Variants in PDIA3 observed in about 807,000 individuals in gnomAD.
PDIA3 encodes protein disulfide-isomerase A3.
A neutral mutation model predicts 56.9 loss-of-function variants in PDIA3; 16 were observed. That is an observed-to-expected ratio of 0.28 (90% CI 0.19 to 0.43). PDIA3 has a LOEUF of 0.43. Among genes scored for constraint, PDIA3 ranks in the 20% least tolerant of loss-of-function variants. The pLI is 1.00. For synonymous variants in PDIA3, 192 were observed against 216.5 expected, an observed-to-expected ratio of 0.89 and a Z score of 0.99; for missense variants, 485 against 621.3, an observed-to-expected ratio of 0.78 and a Z score of 2.33.
Position 43,756,645 on chromosome 15 carries a change from T to G in PDIA3, c.247-4T>G. On this transcript the variant is annotated splice_region_variant and splice_polypyrimidine_tract_variant and intron_variant, in intron 2 of 12. Transcript: ENST00000300289. ...GAAAATAGTTTGTGTATTTTGATCT[T>G]TAGGTTGATTGCACTGCCAACACTA... 3 of 1,509,072 alleles carry G rather than the reference T, an allele frequency of 2.0e-6. No individual in the cohort carries two copies. Among genetic ancestry groups the G allele is most frequent in the Non-Finnish European group, 2.8e-6 (3 of 1,086,276 alleles). 93.5% of individuals were successfully genotyped at this position (1,509,072 alleles called of 1,614,324 possible).
In PDIA3 at chr15:43,772,344, A is replaced by T. The variant is rs1567160696; in HGVS notation, c.*1126A>T. The T allele has an allele frequency of 6.6e-6, 1 of 152,362 alleles. No individual in the cohort carries two copies. The highest frequency in any genetic ancestry group is 2.4e-5 in the African/African-American group (1 of 41,584). 9.4% of individuals were successfully genotyped at this position (152,362 alleles called of 1,614,324 possible). ...ATGTTCAGAAAAGAATTTTCTTCCT[A>T]CTATATAATTACAGTATTTAGCTGT... On this transcript the variant is annotated 3_prime_UTR_variant, in exon 13 of 13. Transcript: ENST00000300289.
Position 43,746,735 on chromosome 15 carries a change from G to T in PDIA3, c.167+29G>T, listed in dbSNP as rs1208000354. ...AGTCCATTCTGCCGAGGCGGGGGAA[G>T]AAAGGCGGGGCTGGGCCGGGGGCGA... On this transcript the variant is annotated intron_variant, in intron 1 of 12. Transcript: ENST00000300289. 1.9e-6 allele frequency: 3 copies of T among 1,610,628 alleles called. No homozygotes were observed. In the African/African-American group the frequency reaches 4.0e-5, roughly 22 times the overall value.
At chr15:43,764,836 CAGA>C (rs2086838085) in intron 5 of PDIA3, among the ~76,000 whole-genome samples, 1 of 152,100 alleles carries the variant, frequency 6.6e-6, no homozygotes, top group Non-Finnish European at 1.5e-5. Flanking sequence ...AGCTGAAGCC[CAGA>C]AGGATTAAAT....
intron 3 of PDIA3, among the ~76,000 whole-genome samples, chr15:43,759,344 T>G (rs1272394150): frequency 6.6e-6 from 1 of 152,168 alleles, no homozygotes; most frequent in African/African-American, 2.4e-5. Context: ...AGCTTCTGTA[T>G]GCCCACTTCT....
At chr15:43,747,809 A>C (rs1006571059) in intron 1 of PDIA3, among the ~76,000 whole-genome samples, 1 of 152,238 alleles carries the variant, frequency 6.6e-6, no homozygotes, top group Non-Finnish European at 1.5e-5. Flanking sequence ...GCCTCAAACA[A>C]CTTGCTAAGG....
chr15:43,770,810 C>T (rs550711225), intron 12 of PDIA3, among the ~76,000 whole-genome samples: 6 of 152,124 alleles, frequency 3.9e-5, no homozygotes, highest in East Asian at 1.9e-4. Context: ...GCCACCACCC[C>T]GGCTAATTTT....
Position 43,772,295 on chromosome 15 carries a change from CT to C in PDIA3, c.*1080del. ...TGGAGAATTCCAGGTAGGAGCCCTA[CT>C]TTAGGTGATCCTAGGAACTCCTATG... On this transcript the variant is annotated 3_prime_UTR_variant, in exon 13 of 13. Transcript: ENST00000300289. 6.6e-6 allele frequency: 1 copy of C among 152,270 alleles called. No individual in the cohort carries two copies. Among genetic ancestry groups the C allele is most frequent in the East Asian group, 1.9e-4 (1 of 5,182 alleles). The allele number at this position is 152,270 out of a possible 1,614,324, so 9.4% of individuals were successfully genotyped here.
chr15:43,748,198 C>G (rs970235039), intron 1 of PDIA3, among the ~76,000 whole-genome samples: 1 of 152,110 alleles, frequency 6.6e-6, no homozygotes, highest in African/African-American at 2.4e-5. Context: ...AATTTTGGGG[C>G]TGGGCATGGT....
chr15:43,768,924 T>G (rs767129419), intron 9 of PDIA3, among the ~76,000 whole-genome samples: 1 of 151,708 alleles, frequency 6.6e-6, no homozygotes, highest in South Asian at 2.1e-4. Flanking sequence ...CTCGGGAGGC[T>G]GAGGCAGGAG....
chr15:43,765,067 G>A (rs1182043572), intron 5 of PDIA3, among the ~76,000 whole-genome samples: 1 of 152,122 alleles, frequency 6.6e-6, no homozygotes, highest in Non-Finnish European at 1.5e-5. Flanking sequence ...GTTAAAAGTG[G>A]CAGCAAAAGT....
rs754974259 is a variant in PDIA3 at position 43,768,519 on chromosome 15, G to C, written c.1059G>C (p.Leu353=). Residue 353 remains leucine, a synonymous_variant, in exon 9 of 13, where the codon CTG becomes CTC. Coordinates refer to ENST00000300289, the MANE Select transcript of PDIA3 (RefSeq NM_005313.5). Reference sequence around the variant, plus strand: ...ATGGGAAGGCTCTGGAGAGGTTCCTGCAGGATTACTTTGATGGCAATCTGA... The same window carrying C: ...ATGGGAAGGCTCTGGAGAGGTTCCTCCAGGATTACTTTGATGGCAATCTGA... ...SRDGKALERF[L]QDYFDGNLKR... 6.2e-7 allele frequency: 1 copy of C among 1,613,862 alleles called. No homozygotes were observed.
intron 8 of PDIA3, among the ~76,000 whole-genome samples, chr15:43,767,294 G>T (rs2086853402): frequency 6.6e-6 from 1 of 152,176 alleles, no homozygotes; most frequent in Non-Finnish European, 1.5e-5. Flanking sequence ...GGAGGTTGCG[G>T]TGAACCAGGA....
Position 43,771,157 on chromosome 15 carries a change from AC to A in PDIA3, c.1463del (p.Pro488LeufsTer2). ...AGCTATCTACAAAGAGAAGCTACAAACCCCCCTGTAATTCAAGAAGAAAAAC... is the reference window on the plus strand; with the variant it reads ...AGCTATCTACAAAGAGAAGCTACAAACCCCCTGTAATTCAAGAAGAAAAAC... ...FISYLQREATNPPVIQEEKPK... is the reference protein window; with the variant it reads ...FISYLQREATXPPVIQEEKPK... On this transcript the variant is annotated frameshift_variant, in exon 13 of 13. Transcript: ENST00000300289. LOFTEE classifies it high-confidence loss of function. 6.2e-7 allele frequency: 1 copy of A among 1,612,828 alleles called. No homozygotes were observed. The highest frequency in any genetic ancestry group is 8.5e-7 in the Non-Finnish European group (1 of 1,179,824).
At chr15:43,748,114 C>T (rs1164525888) in intron 1 of PDIA3, among the ~76,000 whole-genome samples, 1 of 152,076 alleles carries the variant, frequency 6.6e-6, no homozygotes, top group Non-Finnish European at 1.5e-5. Context: ...CTTTTTACTA[C>T]AGGGGTCATG....
rs752998932 is a variant in PDIA3 at position 43,771,386 on chromosome 15, CTGT to C, written c.*170_*172del. On this transcript the variant is annotated 3_prime_UTR_variant, in exon 13 of 13. Coordinates refer to ENST00000300289, the MANE Select transcript of PDIA3 (RefSeq NM_005313.5). The stretch of plus-strand genomic sequence containing the variant: ...TTCTCTAAACTGTTTCTTAGCTGCA[CTGT>C]TTATGGAAATACCAGGACCAGTTTA... The C allele has an allele frequency of 2.5e-5, 12 of 473,110 alleles. No individual in the cohort carries two copies. Among genetic ancestry groups the C allele is most frequent in the South Asian group, 4.7e-5 (1 of 21,394 alleles). 29.3% of individuals were successfully genotyped at this position (473,110 alleles called of 1,614,324 possible). A position where few individuals can be genotyped will look rare whatever the true frequency, so the allele number is the denominator to read the frequency against.
chr15:43,765,654 G>A (rs140752247), intron 6 of PDIA3, 88 bp downstream of exon 6: 64 of 956,370 alleles, frequency 6.7e-5, no homozygotes, highest in South Asian at 2.7e-4. Context: ...ATATTTTGGC[G>A]TAAACAGTCT....
intron 2 of PDIA3, among the ~76,000 whole-genome samples, chr15:43,755,140 A>G (rs1567156006): frequency 6.6e-6 from 1 of 152,132 alleles, no homozygotes; most frequent in South Asian, 2.1e-4. Context: ...CGCCTGGCCA[A>G]CATGGTGAAA....
chr15:43,758,885 G>C (rs1288452810), intron 3 of PDIA3, among the ~76,000 whole-genome samples: 2 of 151,944 alleles, frequency 1.3e-5, no homozygotes. Context: ...GCTAAGGCAG[G>C]AGACTCGCTT....
rs924784092 is a variant in PDIA3, at chr15:43,752,914, G to A, written c.168-910G>A. On this transcript the variant is annotated intron_variant, in intron 1 of 12. Transcript: ENST00000300289. ...CACTGATTAGGATTTTCTGGGCAGA[G>A]GAGCCGGTGCTTCTGGTGGCCCTCT... is the stretch of plus-strand genomic sequence containing the variant. The A allele has an allele frequency of 2.6e-5, 12 of 468,722 alleles. No individual in the cohort carries two copies. In the East Asian group the frequency reaches 7.6e-4, roughly 30 times the overall value. 29.0% of individuals were successfully genotyped at this position (468,722 alleles called of 1,614,324 possible). A position where few individuals can be genotyped will look rare whatever the true frequency, so the allele number is the denominator to read the frequency against.
Sources: allele counts gnomAD v4.1 joint callset (sites outside exome capture counted in the v4.1 genomes callset), GRCh38; gene constraint gnomAD v4.1.1; transcripts MANE v1.5; gene names NCBI Gene and HGNC (gene_info 2026-07-23, HGNC 2026-07-21).